The following RNF216 variants were observed in gnomAD, a reference collection of about 807,000 sequenced individuals.
RNF216 encodes the protein E3 ubiquitin-protein ligase RNF216.
RNF216 carries 72 observed loss-of-function variants against 110.8 expected under a neutral mutation model. That is an observed-to-expected ratio of 0.65 (90% CI 0.54 to 0.79). RNF216 has a LOEUF of 0.79. Among genes scored for constraint, RNF216 ranks in the 30% least tolerant of loss-of-function variants. The pLI is 0.00. For missense variants in RNF216, 1,342 were observed against 1,141.2 expected (o/e 1.18, Z -2.54); for synonymous variants, 495 against 407.5 (o/e 1.21, Z -2.59).
At chr7:5,672,203 A>T (rs1789964471) in intron 13 of RNF216, among the ~76,000 whole-genome samples, 1 of 152,238 alleles carries the variant, frequency 6.6e-6, no homozygotes, top group East Asian at 1.9e-4. Context: ...AGAGACTGGG[A>T]CTAAGTCCCA....
intron 13 of RNF216, among the ~76,000 whole-genome samples, chr7:5,669,750 G>A (rs6960197): frequency 0.019 from 2,868 of 152,174 alleles, 85 homozygotes; most frequent in African/African-American, 0.064. Context: ...AAATTAGTCC[G>A]ACATGGTGTT....
intron 13 of RNF216, among the ~76,000 whole-genome samples, chr7:5,687,421 G>GAA (rs1436027091): frequency 7.0e-6 from 1 of 142,264 alleles, no homozygotes; most frequent in African/African-American, 2.7e-5. Context: ...AAAAGAAAAA[G>GAA]AAAAGAAAAG....
intron 3 of RNF216, among the ~76,000 whole-genome samples, chr7:5,743,452 T>A (rs1794875884): frequency 6.6e-6 from 1 of 152,194 alleles, no homozygotes; most frequent in Non-Finnish European, 1.5e-5. Context: ...ATTACTTATT[T>A]GTTCTACAAA....
chr7:5,706,932 A>G (rs148410632), intron 13 of RNF216, among the ~76,000 whole-genome samples: 7 of 150,816 alleles, frequency 4.6e-5, no homozygotes, highest in African/African-American at 1.7e-4. Flanking sequence ...CCATTTAAAG[A>G]GTTGATTTTT....
At chr7:5,739,779 T>A (rs1794649018) in intron 4 of RNF216, among the ~76,000 whole-genome samples, 1 of 151,956 alleles carries the variant, frequency 6.6e-6, no homozygotes, top group Non-Finnish European at 1.5e-5. Flanking sequence ...GGCAGGCGGA[T>A]CACCTGAGGT....
At chr7:5,771,188 C>T (rs563536054) in intron 1 of RNF216, among the ~76,000 whole-genome samples, 2 of 152,248 alleles carry the variant, frequency 1.3e-5, no homozygotes, top group South Asian at 4.1e-4. Flanking sequence ...CTATATGATG[C>T]TGTACTCAAA....
intron 15 of RNF216, among the ~76,000 whole-genome samples, chr7:5,629,192 C>T (rs567589083): frequency 7.8e-6 from 1 of 128,340 alleles, no homozygotes; most frequent in Non-Finnish European, 1.6e-5. Context: ...AAGACTCTGT[C>T]TCAAAAAAAA....
intron 14 of RNF216, among the ~76,000 whole-genome samples, chr7:5,644,827 C>CT (rs59440013): frequency 0.092 from 12,555 of 135,880 alleles, 1,554 homozygotes; most frequent in African/African-American, 0.28. Context: ...TTCTTTTTTT[C>CT]TTTTTTTTTT....
intron 2 of RNF216, among the ~76,000 whole-genome samples, chr7:5,757,788 ATATC>A (rs1795722848): frequency 6.6e-6 from 1 of 152,150 alleles, no homozygotes. Context: ...AAAATGTTCC[ATATC>A]ATAATTCAGG....
Position 5,642,517 on chromosome 7 carries a change from T to C in RNF216, c.2160-1141A>G, listed in dbSNP as rs148748760. Among the ~76,000 whole-genome samples, 600 of 148,676 alleles carry C rather than the reference T, an allele frequency of 4.0e-3. 10 individuals carry two copies. The highest frequency in any genetic ancestry group is 0.027 in the East Asian group (134 of 4,986). ...AGTGTGAGCCACTGTGCCTGGCCTA[T>C]TTTTTTTGAGACTCACTGCAACCTC... On this transcript the variant is annotated intron_variant, in intron 14 of 16. Transcript: ENST00000389902.
chr7:5,656,672 C>G (rs1459790272), intron 13 of RNF216, among the ~76,000 whole-genome samples: 1 of 152,198 alleles, frequency 6.6e-6, no homozygotes, highest in Non-Finnish European at 1.5e-5. Flanking sequence ...CCCTTTTGTC[C>G]TCAAAATACA....
At chr7:5,726,427 C>T (rs868178905) in intron 7 of RNF216, among the ~76,000 whole-genome samples, 1 of 152,214 alleles carries the variant, frequency 6.6e-6, no homozygotes, top group Non-Finnish European at 1.5e-5. Context: ...TTCCCCCACA[C>T]TCTTCTCTGT....
intron 14 of RNF216, among the ~76,000 whole-genome samples, chr7:5,646,836 T>C (rs546041376): frequency 3.3e-5 from 5 of 152,228 alleles, no homozygotes; most frequent in South Asian, 2.1e-4. Context: ...ATCTTTGCAG[T>C]TGGAGTACTC....
intron 13 of RNF216, among the ~76,000 whole-genome samples, chr7:5,659,402 G>A (rs993304969): frequency 6.6e-6 from 1 of 151,078 alleles, no homozygotes; most frequent in Non-Finnish European, 1.5e-5. Flanking sequence ...TGGGTACAGA[G>A]GGAAGAGCAA....
At chr7:5,669,137 C>T (rs1789731722) in intron 13 of RNF216, among the ~76,000 whole-genome samples, 1 of 152,200 alleles carries the variant, frequency 6.6e-6, no homozygotes, top group African/African-American at 2.4e-5. Flanking sequence ...GCAGGATGGG[C>T]AGGACTGTCT....
At position 5,741,543 on chromosome 7, in the gene RNF216, A is replaced by C. The variant is rs1208371824; in HGVS notation, c.474T>G (p.Pro158=). The C allele has an allele frequency of 1.2e-6, 2 of 1,614,088 alleles. No homozygotes were observed. Among genetic ancestry groups the C allele is most frequent in the African/African-American group, 2.7e-5 (2 of 74,936 alleles). ...PSGQTEREPK[P]GPSHNQAAND... Reference sequence around the variant, plus strand: ...TTGCTGCTTGGTTATGACTCGGTCCAGGCTTGGGTTCTCTTTCTGTTTGGC... The same window carrying C: ...TTGCTGCTTGGTTATGACTCGGTCCCGGCTTGGGTTCTCTTTCTGTTTGGC... The change falls in exon 4 of 17, where the codon CCT becomes CCG. Residue 158 remains proline, a synonymous_variant. Transcript: ENST00000389902.
rs781452065 is a variant in RNF216, at chr7:5,711,843, G to A, written c.1983-4C>T. On this transcript the variant is annotated splice_polypyrimidine_tract_variant and splice_region_variant and intron_variant, in intron 12 of 16. Transcript: ENST00000389902. ...CGGAAAGCTACAGGACGGGCACCTA[G>A]AGTCAGAACAGCAGAACTGACATTA... 2.5e-6 allele frequency: 4 copies of A among 1,613,320 alleles called. No individual in the cohort carries two copies. Among genetic ancestry groups the A allele is most frequent in the Non-Finnish European group, 2.5e-6 (3 of 1,179,588 alleles).
intron 2 of RNF216, among the ~76,000 whole-genome samples, chr7:5,754,157 T>C (rs1385881271): frequency 1.4e-5 from 2 of 142,568 alleles, no homozygotes; most frequent in African/African-American, 5.3e-5. Flanking sequence ...TGTGTGTGTG[T>C]GTGTGCGCAT....
At chr7:5,736,529 G>A (rs1187506894) in intron 5 of RNF216, among the ~76,000 whole-genome samples, 23 of 152,178 alleles carry the variant, frequency 1.5e-4, no homozygotes, top group Non-Finnish European at 8.8e-5. Flanking sequence ...TTCAGCCTCT[G>A]CCCGGCCGCC....
Sources: allele counts gnomAD v4.1 joint callset (sites outside exome capture counted in the v4.1 genomes callset), GRCh38; gene constraint gnomAD v4.1.1; transcripts MANE v1.5; gene names NCBI Gene and HGNC (gene_info 2026-07-23, HGNC 2026-07-21).